The following CCSER1 variants were observed in gnomAD, a reference collection of about 807,000 sequenced individuals.
CCSER1 encodes serine-rich coiled-coil domain-containing protein 1.
In CCSER1, 41 loss-of-function variants were observed where a neutral mutation model predicts 82.0. The ratio of observed to expected loss-of-function variants is 0.50; its 90% CI spans 0.39 to 0.65. The LOEUF (loss-of-function observed/expected upper bound fraction) is 0.65. Ranked by LOEUF, CCSER1 falls within the 30% of genes least tolerant of loss-of-function variation. CCSER1 has a pLI of 0.00. For synonymous variants in CCSER1, 414 were observed against 383.9 expected (o/e 1.08, Z -0.92); for missense variants, 1,119 against 1,064.2 (o/e 1.05, Z -0.72).
intron 9 of CCSER1, among the ~76,000 whole-genome samples, chr4:91,001,777 G>A (rs768938760): frequency 9.2e-5 from 14 of 152,060 alleles, no homozygotes; most frequent in Non-Finnish European, 1.6e-4. Flanking sequence ...GATATGTGAG[G>A]TACTATTCCA....
chr4:90,615,774 T>G (rs1721077771), intron 5 of CCSER1, among the ~76,000 whole-genome samples: 1 of 151,890 alleles, frequency 6.6e-6, no homozygotes, highest in Admixed American at 6.6e-5. Context: ...TTACCTAAAC[T>G]TAGTGGATAA....
chr4:90,910,511 C>T (rs960923839), intron 8 of CCSER1, among the ~76,000 whole-genome samples: 1 of 152,126 alleles, frequency 6.6e-6, no homozygotes, highest in Admixed American at 6.5e-5. Flanking sequence ...TGTACAATCT[C>T]TTATAGGTGT....
At chr4:91,342,976 A>G (rs985390561) in intron 10 of CCSER1, among the ~76,000 whole-genome samples, 1 of 152,116 alleles carries the variant, frequency 6.6e-6, no homozygotes, top group African/African-American at 2.4e-5. Flanking sequence ...TTTTATATGT[A>G]AGCAAATAAA....
intron 4 of CCSER1, among the ~76,000 whole-genome samples, chr4:90,466,214 A>G (rs1270403432): frequency 3.3e-5 from 5 of 152,240 alleles, no homozygotes; most frequent in African/African-American, 9.6e-5. Flanking sequence ...TAGGCCTCAC[A>G]TGAGCCCTTT....
At chr4:90,523,264 A>G (rs1038853540) in intron 5 of CCSER1, among the ~76,000 whole-genome samples, 4 of 152,190 alleles carry the variant, frequency 2.6e-5, no homozygotes, top group Non-Finnish European at 5.9e-5. Context: ...TATGGTGATG[A>G]TGGACATAGC....
At chr4:90,163,068 A>G (rs978866198) in intron 1 of CCSER1, among the ~76,000 whole-genome samples, 1 of 152,146 alleles carries the variant, frequency 6.6e-6, no homozygotes, top group Non-Finnish European at 1.5e-5. Flanking sequence ...AGAGATGCAT[A>G]TAATTATTTT....
intron 5 of CCSER1, among the ~76,000 whole-genome samples, chr4:90,512,307 CA>C (rs34130886): frequency 0.013 from 1,408 of 109,948 alleles, 6 homozygotes; most frequent in African/African-American, 0.027. Flanking sequence ...GAATTCCAAG[CA>C]AAAAAAAAAA....
chr4:91,598,284 T>C (rs1267978382), intron 10 of CCSER1, among the ~76,000 whole-genome samples: 1 of 152,186 alleles, frequency 6.6e-6, no homozygotes, highest in Non-Finnish European at 1.5e-5. Flanking sequence ...AATCACCTTT[T>C]ACTTAATAAA....
intron 10 of CCSER1, among the ~76,000 whole-genome samples, chr4:91,102,824 A>G (rs1725215597): frequency 6.6e-6 from 1 of 152,232 alleles, no homozygotes; most frequent in Non-Finnish European, 1.5e-5. Flanking sequence ...TGCTTTTATC[A>G]GAAAAGTATT....
chr4:91,472,557 C>G (rs1757342118), intron 10 of CCSER1, among the ~76,000 whole-genome samples: 1 of 152,058 alleles, frequency 6.6e-6, no homozygotes, highest in Non-Finnish European at 1.5e-5. Flanking sequence ...TTTTATTTTG[C>G]TCATAGTTAG....
rs1009073775 is a variant in CCSER1, at chr4:90,507,089, A to G, written c.1724+38735A>G. On this transcript the variant is annotated intron_variant, in intron 5 of 10. Transcript: ENST00000509176. The stretch of plus-strand genomic sequence containing the variant: ...AACTGAAGAATTAAATGAAGCATAA[A>G]GGAATGTGGTTTTGTACACAGAAAT... Among the ~76,000 whole-genome samples the G allele has an allele frequency of 6.6e-5, 10 of 152,234 alleles. 1 individual carries two copies. The highest frequency in any genetic ancestry group is 1.3e-4 in the Non-Finnish European group (9 of 68,030).
intron 10 of CCSER1, among the ~76,000 whole-genome samples, chr4:91,144,568 C>T (rs1409032627): frequency 6.6e-6 from 1 of 150,542 alleles, no homozygotes; most frequent in Non-Finnish European, 1.5e-5. Context: ...AATTTGACAT[C>T]TTTCTATCTT....
chr4:90,152,539 C>T (rs1384484550), intron 1 of CCSER1, among the ~76,000 whole-genome samples: 1 of 152,076 alleles, frequency 6.6e-6, no homozygotes, highest in African/African-American at 2.4e-5. Context: ...GAGTAGGCAG[C>T]CTACAATGTC....
intron 5 of CCSER1, among the ~76,000 whole-genome samples, chr4:90,599,995 C>A (rs564659752): frequency 1.3e-5 from 2 of 152,136 alleles, no homozygotes; most frequent in Non-Finnish European, 2.9e-5. Context: ...TGGCACTTTT[C>A]ACTTAACATA....
intron 8 of CCSER1, among the ~76,000 whole-genome samples, chr4:90,818,466 C>T (rs938549028): frequency 2.0e-5 from 3 of 151,866 alleles, no homozygotes; most frequent in South Asian, 2.1e-4. Flanking sequence ...TTAGTAGAGA[C>T]GAGGTTTCGC....
chr4:90,972,620 T>G (rs1347832148), intron 9 of CCSER1, among the ~76,000 whole-genome samples: 2 of 151,686 alleles, frequency 1.3e-5, no homozygotes, highest in African/African-American at 4.8e-5. Flanking sequence ...ATTCAACTCA[T>G]TCTTTACCAA....
At chr4:91,182,379 T>G (rs1483210540) in intron 10 of CCSER1, among the ~76,000 whole-genome samples, 9 of 152,252 alleles carry the variant, frequency 5.9e-5, no homozygotes, top group Admixed American at 5.9e-4. Flanking sequence ...TGCTTCTGTC[T>G]TTGCAGTTGG....
intron 10 of CCSER1, among the ~76,000 whole-genome samples, chr4:91,190,229 G>C (rs975239165): frequency 6.6e-6 from 1 of 152,156 alleles, no homozygotes; most frequent in Non-Finnish European, 1.5e-5. Context: ...TTCTCAGTTA[G>C]ATACAAAACC....
chr4:90,808,098 G>T (rs925575347), intron 7 of CCSER1, among the ~76,000 whole-genome samples: 2 of 152,030 alleles, frequency 1.3e-5, no homozygotes, highest in African/African-American at 4.8e-5. Flanking sequence ...AAATGCAACA[G>T]CCAGCTGATC....
Sources: allele counts gnomAD v4.1 joint callset (sites outside exome capture counted in the v4.1 genomes callset), GRCh38; gene constraint gnomAD v4.1.1; transcripts MANE v1.5; gene names NCBI Gene and HGNC (gene_info 2026-07-23, HGNC 2026-07-21).